The following TGFBR3 variants were observed in gnomAD, a reference collection of about 807,000 sequenced individuals.
The protein encoded by TGFBR3 is transforming growth factor beta receptor 3.
A neutral mutation model predicts 87.9 loss-of-function variants in TGFBR3; 46 were observed. The observed-to-expected ratio is 0.52, with a 90% confidence interval of 0.41 to 0.67. The LOEUF (loss-of-function observed/expected upper bound fraction) is 0.67. TGFBR3 is among the 30% of genes least tolerant of loss of function. TGFBR3 has a pLI of 0.00. For missense variants in TGFBR3, 866 were observed against 1,041.9 expected (o/e 0.83, Z 2.32); for synonymous variants, 381 against 391.6 (o/e 0.97, Z 0.32).
At chr1:91,755,805 G>T (rs373327498) in intron 4 of TGFBR3, among the ~76,000 whole-genome samples, 1 of 152,148 alleles carries the variant, frequency 6.6e-6, no homozygotes, top group Non-Finnish European at 1.5e-5. Context: ...GTACAACTAT[G>T]ACATACGTAG....
chr1:91,689,013 C>A (rs1015570916), intron 16 of TGFBR3, among the ~76,000 whole-genome samples: 1 of 152,116 alleles, frequency 6.6e-6, no homozygotes, highest in Non-Finnish European at 1.5e-5. Context: ...CACTCAAATG[C>A]CCATATCATT....
In TGFBR3 at chr1:91,797,490, A is replaced by G; in HGVS notation, c.62-19T>C. Reference sequence around the variant, plus strand: ...TCTGGACCTGCCAAGGGAATCACAAACACAAGCCACTCAGAAACAGCAATT... The same window carrying G: ...TCTGGACCTGCCAAGGGAATCACAAGCACAAGCCACTCAGAAACAGCAATT... On this transcript the variant is annotated intron_variant, in intron 2 of 16. Coordinates refer to ENST00000212355, the MANE Select transcript of TGFBR3 (RefSeq NM_003243.5). The G allele has an allele frequency of 6.2e-7, 1 of 1,613,798 alleles. No homozygotes were observed. The highest frequency in any genetic ancestry group is 8.5e-7 in the Non-Finnish European group (1 of 1,179,972).
intron 2 of TGFBR3, among the ~76,000 whole-genome samples, chr1:91,837,628 T>C (rs1052745576): frequency 6.6e-6 from 1 of 152,216 alleles, no homozygotes; most frequent in Non-Finnish European, 1.5e-5. Flanking sequence ...CAAATTTAAA[T>C]GATTTATGTA....
At chr1:91,830,813 G>A (rs1305035354) in intron 2 of TGFBR3, among the ~76,000 whole-genome samples, 1 of 152,102 alleles carries the variant, frequency 6.6e-6, no homozygotes, top group East Asian at 1.9e-4. Context: ...AGAGCTTGGT[G>A]CAAAAGGAAT....
chr1:91,753,503 T>C (rs763212632), intron 4 of TGFBR3, among the ~76,000 whole-genome samples: 4 of 152,100 alleles, frequency 2.6e-5, no homozygotes, highest in Non-Finnish European at 5.9e-5. Context: ...AATTCAGTGT[T>C]TCTGTGTGTA....
intron 2 of TGFBR3, among the ~76,000 whole-genome samples, chr1:91,847,914 A>T (rs1370302014): frequency 6.6e-6 from 1 of 152,196 alleles, no homozygotes; most frequent in Non-Finnish European, 1.5e-5. Flanking sequence ...AAAGAGGCAC[A>T]TAAAAGGAAG....
intron 3 of TGFBR3, among the ~76,000 whole-genome samples, chr1:91,774,150 T>A (rs927895024): frequency 6.6e-6 from 1 of 150,790 alleles, no homozygotes; most frequent in Non-Finnish European, 1.5e-5. Context: ...ATACTTTTCT[T>A]TTTTTTTTTG....
At chr1:91,859,440 G>A (rs1452495771) in intron 2 of TGFBR3, among the ~76,000 whole-genome samples, 1 of 150,808 alleles carries the variant, frequency 6.6e-6, no homozygotes, top group Non-Finnish European at 1.5e-5. Flanking sequence ...GGGTGGGGGG[G>A]TGCATTTCTA....
Position 91,727,650 on chromosome 1 carries a change from C to G in TGFBR3, c.885+9G>C, listed in dbSNP as rs771943352. Reference sequence around the variant, plus strand: ...TAAACAAAACAAAAGACATGCTCCACCAACTTACAATAATTTTCAGGCTTC... The same window carrying G: ...TAAACAAAACAAAAGACATGCTCCAGCAACTTACAATAATTTTCAGGCTTC... On this transcript the variant is annotated intron_variant, in intron 7 of 16. Transcript: ENST00000212355. 2 of 1,613,952 alleles carry G rather than the reference C, an allele frequency of 1.2e-6. No homozygotes were observed. The highest frequency in any genetic ancestry group is 1.7e-5 in the Admixed American group (1 of 60,014).
At chr1:91,825,698 T>C (rs1676608643) in intron 2 of TGFBR3, among the ~76,000 whole-genome samples, 1 of 152,210 alleles carries the variant, frequency 6.6e-6, no homozygotes, top group Admixed American at 6.5e-5. Flanking sequence ...AGTCCACTTG[T>C]GGTTAGGTTC....
At chr1:91,703,167 T>A (rs1475705075) in intron 14 of TGFBR3, among the ~76,000 whole-genome samples, 3 of 152,206 alleles carry the variant, frequency 2.0e-5, no homozygotes, top group Non-Finnish European at 4.4e-5. Flanking sequence ...TCTACCATCT[T>A]TCCACTCAGT....
At position 91,680,606 on chromosome 1, in the gene TGFBR3, CT is replaced by C. The variant is rs1477956817; in HGVS notation, c.*3132del. ...TTGTATTTGGAAACTGATAATAGTC[CT>C]TTTTAGAAAAACATCTGTCAGTTTC... On this transcript the variant is annotated 3_prime_UTR_variant, in exon 17 of 17. Transcript: ENST00000212355. The C allele has an allele frequency of 2.2e-6, 1 of 453,876 alleles. No individual in the cohort carries two copies. The highest frequency in any genetic ancestry group is 2.0e-5 in the African/African-American group (1 of 49,964). 28.1% of individuals were successfully genotyped at this position (453,876 alleles called of 1,614,324 possible).
Position 91,695,718 on chromosome 1 carries a change from G to T in TGFBR3, c.2391C>A (p.Ile797=), listed in dbSNP as rs761469766. 3 of 1,614,034 alleles carry T rather than the reference G, an allele frequency of 1.9e-6. No homozygotes were observed. In the African/African-American group the frequency reaches 4.0e-5, roughly 22 times the overall value. ...ACAAGGCCCCCGTCAGGAGTGCTCC[G>T]ATCACAAAGGCTGCAAACGCAATGC... The part of the protein sequence containing the change: ...VMGIAFAAFV[I]GALLTGALWY... The change falls in exon 16 of 17, where the codon ATC becomes ATA. Residue 797 remains isoleucine, a synonymous_variant. Coordinates refer to ENST00000212355, the MANE Select transcript of TGFBR3 (RefSeq NM_003243.5).
chr1:91,759,767 C>G (rs546934607), intron 3 of TGFBR3, among the ~76,000 whole-genome samples: 1 of 152,278 alleles, frequency 6.6e-6, no homozygotes, highest in African/African-American at 2.4e-5. Flanking sequence ...AGGACTTAGG[C>G]TAGAAAGACA....
At chr1:91,723,162 A>G (rs1421761868) in intron 7 of TGFBR3, among the ~76,000 whole-genome samples, 1 of 152,172 alleles carries the variant, frequency 6.6e-6, no homozygotes, top group Non-Finnish European at 1.5e-5. Flanking sequence ...TCACTGTTTT[A>G]TCCAGTAATA....
chr1:91,765,858 A>G (rs1674162811), intron 3 of TGFBR3, among the ~76,000 whole-genome samples: 1 of 152,232 alleles, frequency 6.6e-6, no homozygotes, highest in Non-Finnish European at 1.5e-5. Flanking sequence ...GACAAACTGA[A>G]GAAACTCAAT....
At chr1:91,875,533 G>C (rs932094506) in intron 1 of TGFBR3, among the ~76,000 whole-genome samples, 1 of 151,688 alleles carries the variant, frequency 6.6e-6, no homozygotes, top group Non-Finnish European at 1.5e-5. Flanking sequence ...AGAGGGGAGA[G>C]GAGAGGAGGA....
At chr1:91,832,519 C>A (rs764412818) in intron 2 of TGFBR3, among the ~76,000 whole-genome samples, 1 of 152,154 alleles carries the variant, frequency 6.6e-6, no homozygotes, top group Non-Finnish European at 1.5e-5. Flanking sequence ...TTGAGATACA[C>A]TATTATTGGC....
At chr1:91,775,080 T>G (rs905159539) in intron 3 of TGFBR3, among the ~76,000 whole-genome samples, 4 of 152,126 alleles carry the variant, frequency 2.6e-5, no homozygotes, top group African/African-American at 9.7e-5. Context: ...TATGGCATGG[T>G]TGGGACTAGA....
Sources: gnomAD v4.1 joint callset for allele counts (sites outside exome capture counted in the v4.1 genomes callset) on GRCh38, gnomAD v4.1.1 for gene constraint, MANE v1.5 for transcripts, NCBI Gene and HGNC (gene_info 2026-07-23, HGNC 2026-07-21) for gene names.